Variants in ZNF365 observed in about 807,000 individuals in gnomAD.
ZNF365 encodes zinc finger protein 365.
Under a neutral mutation model 35.0 loss-of-function variants are expected in ZNF365, and 22 were observed. That is an observed-to-expected ratio of 0.63 (90% CI 0.45 to 0.90). The LOEUF (loss-of-function observed/expected upper bound fraction) is 0.90, where lower values mean the gene tolerates loss of function less well. Among genes scored for constraint, ZNF365 ranks in the 40% least tolerant of loss-of-function variants. The probability of loss-of-function intolerance (pLI) is 0.00; values close to 1 mark genes in which losing one functional copy is unlikely to be tolerated. For missense variants in ZNF365, 448 were observed against 500.3 expected (o/e 0.90, Z 1.00); for synonymous variants, 188 against 196.2 (o/e 0.96, Z 0.35).
intron 3 of ZNF365, among the ~76,000 whole-genome samples, chr10:62,422,239 T>C (rs1445198473): frequency 6.6e-6 from 1 of 152,204 alleles, no homozygotes; most frequent in African/African-American, 2.4e-5. Flanking sequence ...CTTGTTCATC[T>C]TGATGAAACT....
At chr10:62,448,165 A>G (rs981594763) in intron 3 of ZNF365, among the ~76,000 whole-genome samples, 9 of 152,220 alleles carry the variant, frequency 5.9e-5, no homozygotes, top group African/African-American at 2.2e-4. Flanking sequence ...TGTGTTCATT[A>G]AGTAAGATTC....
chr10:62,380,951 T>C (rs766318924), intron 2 of ZNF365, among the ~76,000 whole-genome samples: 5 of 152,188 alleles, frequency 3.3e-5, no homozygotes, highest in Non-Finnish European at 5.9e-5. Flanking sequence ...AAGTCCTGAT[T>C]GAACATCTGT....
chr10:62,402,695 C>T (rs1431193430), downstream of ZNF365, among the ~76,000 whole-genome samples: 1 of 152,088 alleles, frequency 6.6e-6, no homozygotes, highest in African/African-American at 2.4e-5. Context: ...CCCCATTTGG[C>T]ACTTTTCCCC....
At position 62,473,873 on chromosome 10, in the gene ZNF365, G is replaced by A. The variant is rs180784115; in HGVS notation, c.982-6003G>A. On this transcript the variant is annotated intron_variant, in intron 4 of 4. Transcript: ENST00000395255. ...TTGGTATCAGGGTCGGTAATTCAGT[G>A]GCTGGTTGACAGCACCAAGGATGAA... Among the ~76,000 whole-genome samples the A allele has an allele frequency of 6.1e-3, 926 of 152,270 alleles. 39 individuals are homozygous for A. The highest frequency in any genetic ancestry group is 0.058 in the Admixed American group (882 of 15,296).
chr10:62,456,771 T>C (rs1458889938), intron 3 of ZNF365, among the ~76,000 whole-genome samples: 1 of 152,206 alleles, frequency 6.6e-6, no homozygotes, highest in Non-Finnish European at 1.5e-5. Context: ...AGTAAGCATC[T>C]GTCTTTCTTG....
intron 4 of ZNF365, among the ~76,000 whole-genome samples, chr10:62,468,146 A>ATGTCATATGTAATAGCTTTTGT (rs1840974951): frequency 6.6e-6 from 1 of 152,216 alleles, no homozygotes; most frequent in Admixed American, 6.5e-5. Flanking sequence ...TCATATGACT[A>ATGTCATATGTAATAGCTTTTGT]CAAAAGTAAT....
At chr10:62,450,051 T>C (rs1318744850) in intron 3 of ZNF365, among the ~76,000 whole-genome samples, 1 of 152,068 alleles carries the variant, frequency 6.6e-6, no homozygotes, top group Middle Eastern at 3.2e-3. Flanking sequence ...GGTGGAAGGA[T>C]TGCTTGATCC....
intron 3 of ZNF365, among the ~76,000 whole-genome samples, chr10:62,417,628 A>G (rs996625208): frequency 6.6e-6 from 1 of 151,178 alleles, no homozygotes; most frequent in Non-Finnish European, 1.5e-5. Context: ...TTTTTGCCTT[A>G]GAAATGAACA....
At chr10:62,480,074 C>G in exon 5 of ZNF365, 10 of 1,340,902 alleles carry the variant, frequency 7.5e-6, no homozygotes, top group Non-Finnish European at 9.8e-6. Flanking sequence ...TGGGTTCAGA[C>G]TCCTGATGGA....
chr10:62,439,643 T>C (rs887010147), intron 3 of ZNF365, among the ~76,000 whole-genome samples: 3 of 152,234 alleles, frequency 2.0e-5, no homozygotes, highest in African/African-American at 7.2e-5. Context: ...TCTGCAAAAT[T>C]ATCTTGTGAA....
intron 3 of ZNF365, among the ~76,000 whole-genome samples, chr10:62,394,529 A>T (rs1328291046): frequency 1.3e-5 from 2 of 152,226 alleles, no homozygotes; most frequent in Non-Finnish European, 2.9e-5. Context: ...CAGTTGTGTG[A>T]GTGATTTTGA....
At chr10:62,474,633 T>C (rs1878254) in intron 4 of ZNF365, among the ~76,000 whole-genome samples, 145,552 of 152,302 alleles carry the variant, frequency 0.96, 69,569 homozygotes, top group East Asian at 1. Flanking sequence ...TCAACTACTG[T>C]CAATAAGCCA....
chr10:62,417,756 AGTCTCT>A (rs1840097958), intron 3 of ZNF365, among the ~76,000 whole-genome samples: 1 of 151,938 alleles, frequency 6.6e-6, no homozygotes, highest in Non-Finnish European at 1.5e-5. Flanking sequence ...ATACAGCCTG[AGTCTCT>A]TAATTTTCTC....
intron 3 of ZNF365, among the ~76,000 whole-genome samples, chr10:62,416,062 T>A (rs1840069374): frequency 6.6e-6 from 1 of 152,190 alleles, no homozygotes; most frequent in Non-Finnish European, 1.5e-5. Flanking sequence ...CCTATCTTGC[T>A]TCTTGGATTG....
chr10:62,468,379 G>T (rs144574957), intron 4 of ZNF365, among the ~76,000 whole-genome samples: 1 of 152,252 alleles, frequency 6.6e-6, no homozygotes, highest in Non-Finnish European at 1.5e-5. Context: ...AACTATGCAT[G>T]AATTTCAATT....
At chr10:62,448,620 C>A (rs1184204400) in intron 3 of ZNF365, among the ~76,000 whole-genome samples, 1 of 152,034 alleles carries the variant, frequency 6.6e-6, no homozygotes, top group South Asian at 2.1e-4. Context: ...TGCATTATGT[C>A]TCTATTGCAG....
intron 3 of ZNF365, among the ~76,000 whole-genome samples, chr10:62,415,060 C>T (rs572572963): frequency 2.1e-3 from 295 of 141,306 alleles, no homozygotes; most frequent in African/African-American, 6.7e-3. Flanking sequence ...CTGAGAAATT[C>T]CTCATTTTAA....
At chr10:62,393,780 G>C (rs1001116614) in intron 3 of ZNF365, among the ~76,000 whole-genome samples, 1 of 152,170 alleles carries the variant, frequency 6.6e-6, no homozygotes, top group Non-Finnish European at 1.5e-5. Context: ...TTCAAATAAA[G>C]TACAGTTAGA....
In ZNF365 at chr10:62,437,111, G is replaced by C. The variant is rs12570941; in HGVS notation, c.925-22630G>C. Reference sequence around the variant, plus strand: ...GATTTCAGAATCAGAGATCATTTTGGATGGTTTATTTTAAAGTCTTCCACA... The same window carrying C: ...GATTTCAGAATCAGAGATCATTTTGCATGGTTTATTTTAAAGTCTTCCACA... On this transcript the variant is annotated intron_variant, in intron 3 of 4. Transcript: ENST00000395255. Among the ~76,000 whole-genome samples the C allele has an allele frequency of 8.9e-3, 1,359 of 152,290 alleles. 32 individuals are homozygous for C. In the East Asian group the frequency reaches 0.093, roughly 10 times the overall value.
Sources: allele counts gnomAD v4.1 joint callset (sites outside exome capture counted in the v4.1 genomes callset), GRCh38; gene constraint gnomAD v4.1.1; transcripts MANE v1.5; gene names NCBI Gene and HGNC (gene_info 2026-07-23, HGNC 2026-07-21).